FES: variants seen among roughly 807,000 people sequenced by gnomAD.
FES encodes the protein tyrosine-protein kinase Fes/Fps.
Under a neutral mutation model 109.6 loss-of-function variants are expected in FES, and 83 were observed. The observed-to-expected ratio is 0.76, with a 90% CI of 0.63 to 0.91. The LOEUF (loss-of-function observed/expected upper bound fraction) is 0.91. Ranked by LOEUF, FES falls within the 40% of genes least tolerant of loss-of-function variation. FES has a pLI of 0.00. For synonymous variants in FES, 458 were observed against 442.1 expected, an observed-to-expected ratio of 1.04 and a Z score of -0.45; for missense variants, 943 against 1,070.9, an observed-to-expected ratio of 0.88 and a Z score of 1.67.
rs2033412195 is a variant in FES at position 90,893,365 on chromosome 15, G to A, written c.1996G>A (p.Asp666Asn). 3 of 1,563,446 alleles carry A rather than the reference G, an allele frequency of 1.9e-6. No individual in the cohort carries two copies. The highest frequency in any genetic ancestry group is 2.6e-6 in the Non-Finnish European group (3 of 1,155,198). The change falls in exon 16 of 19, where the codon GAT (aspartate) becomes AAT (asparagine). Residue 666 changes from aspartate (D) to asparagine (N), a missense_variant. Coordinates refer to ENST00000328850, the MANE Select transcript of FES (RefSeq NM_002005.4). The part of the protein sequence containing the change: ...RVKTLLQMVG[D>N]AAAGMEYLES... ...GAAGACTCTGCTGCAGATGGTGGGG[G>A]ATGCAGCTGCTGGCATGGAGTACCT... is the stretch of plus-strand genomic sequence containing the variant.
Position 90,895,457 on chromosome 15 carries a change from T to TA in FES, c.2368_2369insA (p.Phe790TyrfsTer11), listed in dbSNP as rs2033626935. 1.9e-6 allele frequency: 3 copies of TA among 1,587,752 alleles called. No homozygotes were observed. The highest frequency in any genetic ancestry group is 2.6e-6 in the Non-Finnish European group (3 of 1,164,802). On this transcript the variant is annotated frameshift_variant, in exon 19 of 19. Coordinates refer to ENST00000328850, the MANE Select transcript of FES (RefSeq NM_002005.4). LOFTEE classifies it high-confidence loss of function. ...CCCAGAGCTGTGTCCTGATGCCGTG[T>TA]TCAGGCTCATGGAGCAGTGCTGGGC...
intron 3 of FES, among the ~76,000 whole-genome samples, chr15:90,886,007 T>C (rs6496735): frequency 0.95 from 145,287 of 152,288 alleles, 69,354 homozygotes; most frequent in Admixed American, 0.98. Flanking sequence ...AGGTCGAGGA[T>C]TCGGGCCGTG....
In FES at chr15:90,889,257, C is replaced by T. The variant is rs1239937488; in HGVS notation, c.669-49C>T. On this transcript the variant is annotated intron_variant, in intron 5 of 18. Coordinates refer to ENST00000328850, the MANE Select transcript of FES (RefSeq NM_002005.4). This position sits in a 1 kb window ranked among gnomAD's most constrained non-coding sequence, Gnocchi z 6.1. ...GGGTCCTAGGCCTGAACTGCCCAGC[C>T]TTGCCCAGCCTGAGGCTCCCCTGAC... The T allele has an allele frequency of 1.2e-6, 2 of 1,605,928 alleles. No individual in the cohort carries two copies. Among genetic ancestry groups the T allele is most frequent in the African/African-American group, 2.7e-5 (2 of 74,884 alleles).
intron 18 of FES, among the ~76,000 whole-genome samples, chr15:90,894,515 G>A (rs1028202319): frequency 6.6e-6 from 1 of 152,136 alleles, no homozygotes; most frequent in South Asian, 2.1e-4. Flanking sequence ...AACCCAGGAG[G>A]CGGAGGCTGC....
At chr15:90,893,073 T>C in intron 14 of FES, 27 bp from the exon 15 acceptor site, 1 of 1,607,778 alleles carries the variant, frequency 6.2e-7, no homozygotes, top group Non-Finnish European at 8.5e-7. Context: ...CCTGGCCACG[T>C]AGATCCTGAG....
Position 90,889,109 on chromosome 15 carries a change from C to A in FES, c.669-197C>A. 1 of 651,612 alleles carries A rather than the reference C, an allele frequency of 1.5e-6. No homozygotes were observed. The highest frequency in any genetic ancestry group is 2.6e-6 in the Non-Finnish European group (1 of 390,826). The allele number at this position is 651,612 out of a possible 1,614,324, so 40.4% of individuals were successfully genotyped here. A position where few individuals can be genotyped will look rare whatever the true frequency, so the allele number is the denominator to read the frequency against. On this transcript the variant is annotated intron_variant, in intron 5 of 18. Coordinates refer to ENST00000328850, the MANE Select transcript of FES (RefSeq NM_002005.4). The surrounding 1 kb of genome is among the most constrained non-coding windows in gnomAD (Gnocchi z 6.1). Reference sequence around the variant, plus strand: ...GCCCACTGGATCCTTATTACAACTGCCAGTGTCCCTCTTATATATATCAGG... The same window carrying A: ...GCCCACTGGATCCTTATTACAACTGACAGTGTCCCTCTTATATATATCAGG...
rs201149672 is a variant in FES at position 90,890,221 on chromosome 15, C to T, written c.1179C>T (p.Pro393=). ...AGACCAAGCTGGAGCACCTGGGCCC[C>T]GGCGAGCCCCCGCCTGTGCTGCTCC... is the stretch of plus-strand genomic sequence containing the variant. The part of the protein sequence containing the change: ...LLQTKLEHLG[P]GEPPPVLLLQ... Residue 393 remains proline, a synonymous_variant, in exon 9 of 19, where the codon CCC becomes CCT. Coordinates refer to ENST00000328850, the MANE Select transcript of FES (RefSeq NM_002005.4). The T allele has an allele frequency of 5.2e-5, 83 of 1,600,188 alleles. No homozygotes were observed. The highest frequency in any genetic ancestry group is 3.5e-4 in the South Asian group (32 of 90,870).
At position 90,891,081 on chromosome 15, in the gene FES, C is replaced by T; in HGVS notation, c.1420C>T (p.Leu474=). 1.3e-6 allele frequency: 2 copies of T among 1,593,830 alleles called. No homozygotes were observed. The highest frequency in any genetic ancestry group is 1.3e-5 in the African/African-American group (1 of 74,854). Reference sequence around the variant, plus strand: ...CCCGAGGGCAGAGGTGGCTGAGCTGCTGGTGCACTCTGGGGACTTCCTGGT... The same window carrying T: ...CCCGAGGGCAGAGGTGGCTGAGCTGTTGGTGCACTCTGGGGACTTCCTGGT... ...AIPRAEVAEL[L]VHSGDFLVRE... Residue 474 remains leucine (L), a synonymous_variant, in exon 11 of 19, where the codon CTG becomes TTG. Coordinates refer to ENST00000328850, the MANE Select transcript of FES (RefSeq NM_002005.4).
intron 18 of FES, among the ~76,000 whole-genome samples, chr15:90,894,485 T>A (rs565580647): frequency 7.9e-5 from 12 of 152,262 alleles, no homozygotes; most frequent in Non-Finnish European, 1.5e-4. Context: ...CTTGGGAGGC[T>A]GAGGTGGGAG....
In FES at chr15:90,891,083, G is replaced by C. The variant is rs2033172469; in HGVS notation, c.1422G>C (p.Leu474=). ...CGAGGGCAGAGGTGGCTGAGCTGCT[G>C]GTGCACTCTGGGGACTTCCTGGTGC... is the stretch of plus-strand genomic sequence containing the variant. The part of the protein sequence containing the change: ...AIPRAEVAEL[L]VHSGDFLVRE... The change falls in exon 11 of 19, where the codon CTG becomes CTC. Residue 474 remains leucine, a synonymous_variant. Transcript: ENST00000328850. 6.3e-7 allele frequency: 1 copy of C among 1,594,034 alleles called. No homozygotes were observed. Among genetic ancestry groups the C allele is most frequent in the Non-Finnish European group, 8.5e-7 (1 of 1,170,146 alleles).
chr15:90,892,037 C>T (rs752346927), intron 12 of FES, 21 bp from the exon 13 acceptor site: 1 of 1,614,078 alleles, frequency 6.2e-7, no homozygotes, highest in Non-Finnish European at 8.5e-7. Flanking sequence ...CTTCTGATCC[C>T]CTGTCTCCTC....
intron 1 of FES, 133 bp from the exon 2 acceptor site, chr15:90,884,904 G>T (rs2032410429): frequency 5.5e-6 from 4 of 732,042 alleles, no homozygotes; most frequent in South Asian, 5.3e-5. Context: ...ATGGCTGCGT[G>T]TGAGCGAGGC....
At position 90,889,120 on chromosome 15, in the gene FES, C is replaced by T; in HGVS notation, c.669-186C>T. The T allele has an allele frequency of 2.8e-6, 2 of 706,314 alleles. No homozygotes were observed. Among genetic ancestry groups the T allele is most frequent in the Non-Finnish European group, 2.3e-6 (1 of 435,272 alleles). 43.8% of individuals were successfully genotyped at this position (706,314 alleles called of 1,614,324 possible). ...CCTTATTACAACTGCCAGTGTCCCT[C>T]TTATATATATCAGGAAATAGAAGAT... On this transcript the variant is annotated intron_variant, in intron 5 of 18. Transcript: ENST00000328850. The surrounding 1 kb of genome is among the most constrained non-coding windows in gnomAD (Gnocchi z 6.1).
At chr15:90,893,241 G>C (rs754074900) in intron 15 of FES, 47 bp downstream of exon 15, 1 of 1,613,296 alleles carries the variant, frequency 6.2e-7, no homozygotes, top group Non-Finnish European at 8.5e-7. Flanking sequence ...AGCCTGGTCA[G>C]GTGGCAGCCT....
chr15:90,892,864 C>A, intron 14 of FES, 39 bp downstream of exon 14: 1 of 1,586,754 alleles, frequency 6.3e-7, no homozygotes, highest in Non-Finnish European at 8.6e-7. Flanking sequence ...GTCCCGCATA[C>A]ACAGAGGTTA....
At chr15:90,895,004 T>A (rs1453621814) in intron 18 of FES, among the ~76,000 whole-genome samples, 2 of 151,894 alleles carry the variant, frequency 1.3e-5, no homozygotes, top group African/African-American at 4.8e-5. Flanking sequence ...GAGGTGGAGG[T>A]TGCAGTGAGC....
rs765278179 is a variant in FES, at chr15:90,887,242, T to C, written c.540T>C (p.Phe180=). 6.8e-6 allele frequency: 11 copies of C among 1,613,444 alleles called. No individual in the cohort carries two copies. Among genetic ancestry groups the C allele is most frequent in the Middle Eastern group, 3.3e-4 (2 of 6,084 alleles). The change falls in exon 5 of 19, where the codon TTT becomes TTC. Residue 180 remains phenylalanine (F), a synonymous_variant. Coordinates refer to ENST00000328850, the MANE Select transcript of FES (RefSeq NM_002005.4). ...ATGTGCGCAGCCTGTGGAAGCTCTTTGCTCACCACAACCGCTATGTGCTGG... is the reference window on the plus strand; with the variant it reads ...ATGTGCGCAGCCTGTGGAAGCTCTTCGCTCACCACAACCGCTATGTGCTGG... ...DKYVRSLWKL[F]AHHNRYVLGV...
chr15:90,892,346 C>T lies in FES; in HGVS notation c.1707+235C>T, dbSNP rs1021339909. On this transcript the variant is annotated intron_variant, in intron 13 of 18. Transcript: ENST00000328850. ...CTGACCTCATCACCCCCACCCAGGCCGCCCCCATCGAGCTCTTGTGTGCAC... is the reference window on the plus strand; with the variant it reads ...CTGACCTCATCACCCCCACCCAGGCTGCCCCCATCGAGCTCTTGTGTGCAC... 6.8e-5 allele frequency: 41 copies of T among 599,064 alleles called. 1 individual carries two copies. In the Admixed American group the frequency reaches 8.5e-4, roughly 12 times the overall value. The allele number at this position is 599,064 out of a possible 1,614,324, so 37.1% of individuals were successfully genotyped here.
At chr15:90,887,818 G>A (rs1220446704) in intron 5 of FES, among the ~76,000 whole-genome samples, 2 of 152,230 alleles carry the variant, frequency 1.3e-5, no homozygotes, top group Middle Eastern at 3.2e-3. Context: ...CATTCAAAGA[G>A]GCCCCTGAGA....
Sources: allele counts gnomAD v4.1 joint callset (sites outside exome capture counted in the v4.1 genomes callset), GRCh38; gene constraint gnomAD v4.1.1; non-coding constraint Gnocchi (gnomAD v3.1); transcripts MANE v1.5; gene names NCBI Gene and HGNC (gene_info 2026-07-23, HGNC 2026-07-21).